CNTN3: variants seen among roughly 807,000 people sequenced by gnomAD.
CNTN3 encodes contactin 3.
A neutral mutation model predicts 119.1 loss-of-function variants in CNTN3; 60 were observed. The ratio of observed to expected loss-of-function variants is 0.50; its 90% CI spans 0.41 to 0.62. CNTN3 has a LOEUF of 0.62. CNTN3 is among the 20% of genes least tolerant of loss of function. The pLI is 0.00. For missense variants in CNTN3, 1,101 were observed against 1,242.4 expected (o/e 0.89, Z 1.71); for synonymous variants, 450 against 438.7 (o/e 1.03, Z -0.32).
At chr3:74,293,973 A>G (rs749078021) in intron 19 of CNTN3, among the ~76,000 whole-genome samples, 2 of 152,178 alleles carry the variant, frequency 1.3e-5, no homozygotes, top group Non-Finnish European at 2.9e-5. Context: ...TCTTATATAA[A>G]TATCTCAAAC....
chr3:74,418,150 C>T (rs1208118782), intron 5 of CNTN3, among the ~76,000 whole-genome samples: 1 of 151,984 alleles, frequency 6.6e-6, no homozygotes, highest in African/African-American at 2.4e-5. Context: ...ACACATTGAC[C>T]TCTGATGCAA....
chr3:74,434,190 C>T (rs937000236), intron 4 of CNTN3, among the ~76,000 whole-genome samples: 3 of 152,178 alleles, frequency 2.0e-5, no homozygotes, highest in East Asian at 1.9e-4. Flanking sequence ...CACTTGATTG[C>T]CCTGTGTCTT....
At chr3:74,342,097 C>A (rs534873342) in intron 11 of CNTN3, among the ~76,000 whole-genome samples, 4 of 152,106 alleles carry the variant, frequency 2.6e-5, no homozygotes, top group South Asian at 2.1e-4. Context: ...CAAAAGTACT[C>A]ACAATGCATA....
chr3:74,347,776 T>G (rs1703728113), intron 11 of CNTN3, among the ~76,000 whole-genome samples: 1 of 152,148 alleles, frequency 6.6e-6, no homozygotes, highest in African/African-American at 2.4e-5. Context: ...TTCTCAACCC[T>G]CTTGCCCCAC....
chr3:74,497,039 T>G (rs1383418402), intron 3 of CNTN3, among the ~76,000 whole-genome samples: 1 of 152,032 alleles, frequency 6.6e-6, no homozygotes, highest in Non-Finnish European at 1.5e-5. Flanking sequence ...ATGTTTGGAT[T>G]GCCTTTAACA....
At chr3:74,274,828 A>G (rs1188090895) in intron 20 of CNTN3, among the ~76,000 whole-genome samples, 1 of 152,214 alleles carries the variant, frequency 6.6e-6, no homozygotes, top group African/African-American at 2.4e-5. Flanking sequence ...TGGAAAAAGA[A>G]TTCAGGAAGT....
At chr3:74,493,611 G>T (rs1473504650) in intron 3 of CNTN3, among the ~76,000 whole-genome samples, 1 of 152,116 alleles carries the variant, frequency 6.6e-6, no homozygotes, top group African/African-American at 2.4e-5. Context: ...TTTATTTGGG[G>T]TTTGACAGGA....
At chr3:74,468,533 C>G (rs1702504980) in intron 4 of CNTN3, among the ~76,000 whole-genome samples, 1 of 152,062 alleles carries the variant, frequency 6.6e-6, no homozygotes, top group Non-Finnish European at 1.5e-5. Context: ...AGAGATGACC[C>G]CATTCTAATA....
chr3:74,489,775 A>G (rs540432895), intron 3 of CNTN3, among the ~76,000 whole-genome samples: 32 of 152,106 alleles, frequency 2.1e-4, no homozygotes, highest in South Asian at 1.0e-3. Context: ...ATTACCTAAC[A>G]CCCCTGAACC....
At chr3:74,545,788 A>G (rs1269522867) in intron 1 of CNTN3, among the ~76,000 whole-genome samples, 1 of 152,054 alleles carries the variant, frequency 6.6e-6, no homozygotes, top group African/African-American at 2.4e-5. Context: ...CCCACCCCCA[A>G]AACTGATAAG....
intron 13 of CNTN3, among the ~76,000 whole-genome samples, chr3:74,326,415 CAAAAT>C (rs1236857961): frequency 6.6e-6 from 1 of 151,980 alleles, no homozygotes; most frequent in Non-Finnish European, 1.5e-5. Context: ...ATATAATAAT[CAAAAT>C]AGAATAATTA....
At chr3:74,474,718 C>T (rs1251750972) in intron 4 of CNTN3, among the ~76,000 whole-genome samples, 2 of 152,112 alleles carry the variant, frequency 1.3e-5, no homozygotes, top group Non-Finnish European at 2.9e-5. Context: ...TTCCCCAAAT[C>T]TCATATTGAA....
chr3:74,352,513 G>A (rs904081570), intron 11 of CNTN3, among the ~76,000 whole-genome samples: 2 of 152,196 alleles, frequency 1.3e-5, no homozygotes, highest in African/African-American at 4.8e-5. Context: ...TAACTTCCAT[G>A]GTCACCTTAA....
At chr3:74,309,991 C>T (rs1463870393) in intron 13 of CNTN3, among the ~76,000 whole-genome samples, 1 of 152,166 alleles carries the variant, frequency 6.6e-6, no homozygotes, top group Non-Finnish European at 1.5e-5. Context: ...TAGATACATA[C>T]ATAAATTTAC....
chr3:74,498,947 G>A (rs945051284), intron 3 of CNTN3, among the ~76,000 whole-genome samples: 5 of 151,744 alleles, frequency 3.3e-5, no homozygotes, highest in South Asian at 2.1e-4. Context: ...ACTCCTAAGA[G>A]TAAAAATGAT....
intron 1 of CNTN3, among the ~76,000 whole-genome samples, chr3:74,557,974 T>C (rs1289612869): frequency 6.6e-6 from 1 of 152,114 alleles, no homozygotes; most frequent in East Asian, 1.9e-4. Context: ...ACTGTAATAG[T>C]TCCCCTTCAG....
intron 4 of CNTN3, among the ~76,000 whole-genome samples, chr3:74,449,524 T>C (rs1575735967): frequency 6.6e-6 from 1 of 152,096 alleles, no homozygotes; most frequent in African/African-American, 2.4e-5. Flanking sequence ...AAAATTCTGA[T>C]TCTGTAGTTA....
At chr3:74,591,038 T>C (rs962485771) in intron 1 of CNTN3, among the ~76,000 whole-genome samples, 2 of 151,994 alleles carry the variant, frequency 1.3e-5, no homozygotes, top group African/African-American at 4.8e-5. Flanking sequence ...AGCTTAATTA[T>C]TACAAGCAGA....
At chr3:74,533,213 T>C (rs1340601727) in intron 1 of CNTN3, among the ~76,000 whole-genome samples, 4 of 152,154 alleles carry the variant, frequency 2.6e-5, no homozygotes, top group African/African-American at 4.8e-5. Context: ...TTTGATTTTA[T>C]AGAGTCACTC....
Sources: allele counts gnomAD v4.1 joint callset (sites outside exome capture counted in the v4.1 genomes callset), GRCh38; gene constraint gnomAD v4.1.1; transcripts MANE v1.5; gene names NCBI Gene and HGNC (gene_info 2026-07-23, HGNC 2026-07-21).